Variants in MALRD1 observed in about 807,000 individuals in gnomAD.
The protein encoded by MALRD1 is MAM and LDL-receptor class A domain-containing protein 1.
MALRD1 carries 247 observed loss-of-function variants against 242.1 expected under a neutral mutation model. The observed-to-expected ratio is 1.02, with a 90% CI of 0.92 to 1.13. MALRD1 has a LOEUF of 1.13. Among genes scored for constraint, MALRD1 ranks in the 50% most tolerant of loss-of-function variants. The pLI, the probability that MALRD1 is intolerant of heterozygous loss-of-function variation, is 0.00. For synonymous variants in MALRD1, 995 were observed against 866.6 expected (o/e 1.15, Z -2.60); for missense variants, 2,989 against 2,533.1 (o/e 1.18, Z -3.86).
Position 19,615,941 on chromosome 10 carries a change from A to T in MALRD1, c.6137+18A>T. The T allele has an allele frequency of 6.9e-6, 10 of 1,459,554 alleles. No individual in the cohort carries two copies. Among genetic ancestry groups the T allele is most frequent in the South Asian group, 4.0e-5 (3 of 75,592 alleles). The allele number at this position is 1,459,554 out of a possible 1,614,324, so 90.4% of individuals were successfully genotyped here. The stretch of plus-strand genomic sequence containing the variant: ...ATGTGTCGGTAAGAAGCATTGTTTA[A>T]TTTTTTTTTTTAAGATTTTTTGGAG... On this transcript the variant is annotated intron_variant, in intron 36 of 39. Transcript: ENST00000454679.
intron 21 of MALRD1, 35 bp from the exon 22 acceptor site, chr10:19,323,914 T>G: frequency 6.5e-7 from 1 of 1,546,992 alleles, no homozygotes; most frequent in South Asian, 1.2e-5. Flanking sequence ...CCCGGCCTCT[T>G]ATTCCTTTTA....
At position 19,355,610 on chromosome 10, in the gene MALRD1, A is replaced by C. The variant is rs1209932493; in HGVS notation, c.4441+3313A>C. On this transcript the variant is annotated intron_variant, in intron 26 of 39. Coordinates refer to ENST00000454679, the MANE Select transcript of MALRD1 (RefSeq NM_001142308.3). The stretch of plus-strand genomic sequence containing the variant: ...TAGCTATCTCAGCTGTAACTCTTAC[A>C]TTCAAGCAGATAACAAATAAAAATG... 2.0e-5 allele frequency among the ~76,000 whole-genome samples: 3 copies of C among 151,052 alleles called. No homozygotes were observed. The Admixed American group carries it at 2.0e-4, about 10-fold the overall frequency.
chr10:19,200,951 G>T (rs1011444679), intron 14 of MALRD1, among the ~76,000 whole-genome samples: 1 of 151,934 alleles, frequency 6.6e-6, no homozygotes, highest in Non-Finnish European at 1.5e-5. Flanking sequence ...ATCCTGTTAT[G>T]CCTGTAACAG....
intron 2 of MALRD1, among the ~76,000 whole-genome samples, chr10:19,080,193 C>G (rs892611468): frequency 3.9e-5 from 6 of 151,902 alleles, no homozygotes; most frequent in Non-Finnish European, 7.4e-5. Flanking sequence ...GCCATACTGA[C>G]CAAAGTAATT....
intron 19 of MALRD1, among the ~76,000 whole-genome samples, chr10:19,279,276 C>G (rs2499070): frequency 0.99 from 150,599 of 152,344 alleles, 74,439 homozygotes; most frequent in Middle Eastern, 1. Context: ...TATAGGAATA[C>G]ATTGAAATAG....
intron 36 of MALRD1, among the ~76,000 whole-genome samples, chr10:19,670,797 T>C (rs1841880856): frequency 1.3e-5 from 2 of 152,182 alleles, no homozygotes; most frequent in South Asian, 4.1e-4. Context: ...TGTGCTGCTA[T>C]CCTGATTCTT....
intron 36 of MALRD1, among the ~76,000 whole-genome samples, chr10:19,644,921 T>A (rs140603256): frequency 1.1e-3 from 169 of 152,314 alleles, no homozygotes; most frequent in African/African-American, 4.0e-3. Context: ...CATAAATCTA[T>A]TGTCCATGTG....
intron 13 of MALRD1, among the ~76,000 whole-genome samples, chr10:19,170,171 T>A (rs968604136): frequency 6.6e-6 from 1 of 152,216 alleles, no homozygotes; most frequent in African/African-American, 2.4e-5. Flanking sequence ...TTCCCTCTAT[T>A]TCTTGTGAGA....
intron 18 of MALRD1, among the ~76,000 whole-genome samples, chr10:19,253,801 A>G (rs1839394211): frequency 6.6e-6 from 1 of 151,884 alleles, no homozygotes. Context: ...GCTCCTGTCA[A>G]CACAAATCTG....
At chr10:19,188,457 TTG>T (rs1421242201) in intron 14 of MALRD1, among the ~76,000 whole-genome samples, 2 of 152,168 alleles carry the variant, frequency 1.3e-5, no homozygotes, top group African/African-American at 2.4e-5. Context: ...GTGAGATAAA[TTG>T]AACTAAAGTT....
intron 14 of MALRD1, among the ~76,000 whole-genome samples, chr10:19,186,905 A>G (rs1835759870): frequency 6.6e-6 from 1 of 152,114 alleles, no homozygotes; most frequent in Non-Finnish European, 1.5e-5. Context: ...GGGCGTAAAG[A>G]GCCTTCCCCA....
At chr10:19,209,960 A>ATTGCT (rs1439134183) in intron 18 of MALRD1, among the ~76,000 whole-genome samples, 64 of 152,364 alleles carry the variant, frequency 4.2e-4, no homozygotes, top group African/African-American at 1.5e-3. Context: ...ACTGAAATGA[A>ATTGCT]CAACCTGGAA....
At chr10:19,138,395 T>C (rs887710087) in intron 10 of MALRD1, among the ~76,000 whole-genome samples, 5 of 151,704 alleles carry the variant, frequency 3.3e-5, no homozygotes, top group African/African-American at 9.7e-5. Context: ...TGAAGGAAAA[T>C]ATATTTCCTT....
intron 28 of MALRD1, among the ~76,000 whole-genome samples, chr10:19,395,567 G>A (rs1426073453): frequency 6.6e-6 from 1 of 152,126 alleles, no homozygotes; most frequent in African/African-American, 2.4e-5. Context: ...TGGGAGGCAG[G>A]TTTTCCCTAA....
At chr10:19,357,569 TA>T (rs1844692826) in intron 26 of MALRD1, among the ~76,000 whole-genome samples, 1 of 152,180 alleles carries the variant, frequency 6.6e-6, no homozygotes, top group Non-Finnish European at 1.5e-5. Context: ...TTTATAACTA[TA>T]AAATCTTATT....
chr10:19,394,508 G>T (rs1032727573), intron 28 of MALRD1, among the ~76,000 whole-genome samples: 4 of 152,126 alleles, frequency 2.6e-5, no homozygotes, highest in Admixed American at 1.3e-4. Flanking sequence ...TTACGTAAAA[G>T]ACTGTGGTCA....
intron 36 of MALRD1, among the ~76,000 whole-genome samples, chr10:19,660,421 G>T (rs1841374932): frequency 6.6e-6 from 1 of 152,090 alleles, no homozygotes; most frequent in African/African-American, 2.4e-5. Flanking sequence ...TGCCTTCCTG[G>T]ACCTTAGAGG....
chr10:19,508,972 A>G (rs986422875), intron 31 of MALRD1, among the ~76,000 whole-genome samples: 4 of 152,216 alleles, frequency 2.6e-5, no homozygotes, highest in South Asian at 2.1e-4. Context: ...AAGAAGTGGC[A>G]AAGATGGTCT....
At chr10:19,334,842 T>C (rs1281895610) in intron 24 of MALRD1, among the ~76,000 whole-genome samples, 1 of 152,130 alleles carries the variant, frequency 6.6e-6, no homozygotes, top group Non-Finnish European at 1.5e-5. Context: ...AGAGCACATA[T>C]AATGCTTTTG....
Sources: gnomAD v4.1 joint callset for allele counts (sites outside exome capture counted in the v4.1 genomes callset) on GRCh38, gnomAD v4.1.1 for gene constraint, MANE v1.5 for transcripts, NCBI Gene and HGNC (gene_info 2026-07-23, HGNC 2026-07-21) for gene names.